The following DDX31 variants were observed in gnomAD, a reference collection of about 807,000 sequenced individuals.
DDX31 encodes DEAD-box helicase 31.
DDX31 carries 70 observed loss-of-function variants against 91.3 expected under a neutral mutation model. The observed-to-expected ratio is 0.77, with a 90% confidence interval of 0.63 to 0.94. The LOEUF (loss-of-function observed/expected upper bound fraction) is 0.94, where lower values mean the gene tolerates loss of function less well. DDX31 is among the 40% of genes least tolerant of loss of function. DDX31 has a pLI of 0.00. For synonymous variants in DDX31, 362 were observed against 350.6 expected (o/e 1.03, Z -0.36); for missense variants, 902 against 925.0 (o/e 0.98, Z 0.32).
chr9:132,662,161 A>C (rs1391011649), intron 3 of DDX31, 100 bp downstream of exon 3: 5 of 1,160,056 alleles, frequency 4.3e-6, no homozygotes, highest in Non-Finnish European at 6.3e-6. Flanking sequence ...AGAAACAAAC[A>C]CTCTCTGATC....
At chr9:132,643,304 A>G (rs1833614467) in intron 13 of DDX31, among the ~76,000 whole-genome samples, 1 of 152,348 alleles carries the variant, frequency 6.6e-6, no homozygotes, top group Admixed American at 6.5e-5. Context: ...CTCTTCAGTC[A>G]TGAAGCTCTA....
At chr9:132,649,270 G>A (rs1590073826) in intron 9 of DDX31, among the ~76,000 whole-genome samples, 2 of 152,114 alleles carry the variant, frequency 1.3e-5, no homozygotes, top group East Asian at 3.9e-4. Flanking sequence ...AGCTTCCCTT[G>A]CAGTTAAGTA....
chr9:132,613,222 AT>A (rs893814848), intron 18 of DDX31, among the ~76,000 whole-genome samples: 3 of 152,184 alleles, frequency 2.0e-5, no homozygotes, highest in African/African-American at 7.2e-5. Context: ...TTCTAAAAGT[AT>A]CCAGGATTAA....
chr9:132,647,198 T>C, intron 11 of DDX31, 140 bp from the exon 12 acceptor site: 1 of 716,696 alleles, frequency 1.4e-6, no homozygotes, highest in Non-Finnish European at 2.4e-6. Context: ...GTCCCAGCAC[T>C]GATCCGCCCT....
intron 1 of DDX31, among the ~76,000 whole-genome samples, chr9:132,668,652 C>T (rs933563097): frequency 1.3e-5 from 2 of 151,796 alleles, no homozygotes; most frequent in African/African-American, 4.8e-5. Context: ...ACTGCAAGCT[C>T]CGCCTCCTGG....
At chr9:132,633,529 T>C (rs1423621452) in intron 14 of DDX31, among the ~76,000 whole-genome samples, 1 of 151,978 alleles carries the variant, frequency 6.6e-6, no homozygotes, top group Non-Finnish European at 1.5e-5. Flanking sequence ...TATACAGCTA[T>C]AAAAAGAACA....
chr9:132,607,335 T>A (rs1311885878), intron 19 of DDX31, among the ~76,000 whole-genome samples: 1 of 152,248 alleles, frequency 6.6e-6, no homozygotes, highest in Non-Finnish European at 1.5e-5. Context: ...ACATTTGGGC[T>A]AGGCTGACTT....
At chr9:132,640,644 G>A (rs1390280559) in intron 14 of DDX31, among the ~76,000 whole-genome samples, 2 of 152,010 alleles carry the variant, frequency 1.3e-5, no homozygotes, top group Admixed American at 6.6e-5. Context: ...CTATGGGCAC[G>A]TGCCACCATG....
rs1564336235 is a variant in DDX31, at chr9:132,658,701, C to G, written c.558G>C (p.Gln186His). ...KTLAYCIPVV[Q>H]SLQAMESKIQ... ...TTTTTGACTCCATTGCTTGAAGGGA[C>G]TGGACCACAGGGATGCAATAGGCAA... The change falls in exon 6 of 20, where the codon CAG becomes CAC. Residue 186 changes from glutamine (Q) to histidine (H), a missense_variant. Transcript: ENST00000372159. 2 of 1,613,834 alleles carry G rather than the reference C, an allele frequency of 1.2e-6. No individual in the cohort carries two copies. The highest frequency in any genetic ancestry group is 1.7e-6 in the Non-Finnish European group (2 of 1,179,932).
At chr9:132,666,615 G>C (rs1000202320) in intron 1 of DDX31, among the ~76,000 whole-genome samples, 1 of 152,018 alleles carries the variant, frequency 6.6e-6, no homozygotes, top group Non-Finnish European at 1.5e-5. Flanking sequence ...ACTGGTTCCT[G>C]GGTTCAAGTG....
chr9:132,645,639 C>T (rs757972640), intron 13 of DDX31, among the ~76,000 whole-genome samples: 4 of 152,262 alleles, frequency 2.6e-5, no homozygotes, highest in Admixed American at 6.5e-5. Flanking sequence ...TGAGCTCTCT[C>T]GGGTGGAAGA....
intron 1 of DDX31, among the ~76,000 whole-genome samples, chr9:132,668,098 G>A (rs1327646937): frequency 6.6e-6 from 1 of 151,844 alleles, no homozygotes; most frequent in Non-Finnish European, 1.5e-5. Flanking sequence ...CCTTCTCCCC[G>A]CTCCACCCAG....
chr9:132,618,579 TA>T, intron 17 of DDX31, 138 bp from the exon 18 acceptor site: 1 of 625,692 alleles, frequency 1.6e-6, no homozygotes, highest in Non-Finnish European at 2.6e-6. Flanking sequence ...TCAATATTAC[TA>T]GGAAAAAAGG....
intron 12 of DDX31, among the ~76,000 whole-genome samples, chr9:132,646,416 C>T (rs777271948): frequency 1.3e-5 from 2 of 152,208 alleles, no homozygotes; most frequent in Non-Finnish European, 2.9e-5. Context: ...AGAAAACCTT[C>T]ACCCTTAAGC....
intron 19 of DDX31, among the ~76,000 whole-genome samples, chr9:132,597,866 C>T (rs1026533855): frequency 4.6e-5 from 7 of 152,162 alleles, no homozygotes; most frequent in Non-Finnish European, 7.3e-5. Flanking sequence ...GCGTACATTG[C>T]GCCACTGAAT....
chr9:132,642,285 A>T (rs548488968), intron 13 of DDX31, among the ~76,000 whole-genome samples: 1 of 152,208 alleles, frequency 6.6e-6, no homozygotes, highest in South Asian at 2.1e-4. Flanking sequence ...AGGCGCTTTG[A>T]GGGTGCATTT....
chr9:132,650,461 C>A (rs1455255891), intron 8 of DDX31, among the ~76,000 whole-genome samples, 163 bp from the exon 9 acceptor site: 1 of 152,174 alleles, frequency 6.6e-6, no homozygotes, highest in African/African-American at 2.4e-5. Context: ...TTGCTACACC[C>A]ATGTTCACTA....
rs1830346265 is a variant in DDX31 at position 132,594,707 on chromosome 9, C to G, written c.*159G>C. On this transcript the variant is annotated 3_prime_UTR_variant, in exon 20 of 20. Coordinates refer to ENST00000372159, the MANE Select transcript of DDX31 (RefSeq NM_022779.9). ...ACTGATTTCTATCAGGCTCCAGGGC[C>G]TCCCATGGAGGAGAAGGGCTGTGGC... 3 of 1,236,748 alleles carry G rather than the reference C, an allele frequency of 2.4e-6. No homozygotes were observed. The highest frequency in any genetic ancestry group is 3.4e-6 in the Non-Finnish European group (3 of 891,568). The allele number at this position is 1,236,748 out of a possible 1,614,324, so 76.6% of individuals were successfully genotyped here. A position where few individuals can be genotyped will look rare whatever the true frequency, so the allele number is the denominator to read the frequency against.
chr9:132,669,457 A>T, intron 1 of DDX31: 1 of 593,696 alleles, frequency 1.7e-6, no homozygotes, highest in South Asian at 1.9e-5. Context: ...CCCAGACAGG[A>T]ATGTGGGCAA....
Sources: allele counts gnomAD v4.1 joint callset (sites outside exome capture counted in the v4.1 genomes callset), GRCh38; gene constraint gnomAD v4.1.1; transcripts MANE v1.5; gene names NCBI Gene and HGNC (gene_info 2026-07-23, HGNC 2026-07-21).